Variants in MOB3B observed in about 807,000 individuals in gnomAD.
The protein encoded by MOB3B is MOB kinase activator-like 2B.
A neutral mutation model predicts 18.7 loss-of-function variants in MOB3B; 7 were observed. The ratio of observed to expected loss-of-function variants is 0.37; its 90% CI spans 0.21 to 0.70. The LOEUF (loss-of-function observed/expected upper bound fraction) is 0.70. Ranked by LOEUF, MOB3B falls within the 30% of genes least tolerant of loss-of-function variation. The pLI, the probability that MOB3B is intolerant of heterozygous loss-of-function variation, is 0.52. For synonymous variants in MOB3B, 111 were observed against 99.9 expected (o/e 1.11, Z -0.66); for missense variants, 253 against 281.3 (o/e 0.90, Z 0.72).
chr9:27,471,642 C>T lies in MOB3B; in HGVS notation c.-198-15894G>A, dbSNP rs956628165. 3.9e-5 allele frequency among the ~76,000 whole-genome samples: 6 copies of T among 152,200 alleles called. 1 individual carries two copies. The highest frequency in any genetic ancestry group is 1.4e-4 in the African/African-American group (6 of 41,432). On this transcript the variant is annotated intron_variant, in intron 1 of 3. Transcript: ENST00000262244. ...GAGATAAAATATCCATCTCAAAGGG[C>T]TGCCATGAGAGTTAAATTACATTAT...
intron 3 of MOB3B, among the ~76,000 whole-genome samples, chr9:27,350,729 C>T (rs1015291185): frequency 1.3e-5 from 2 of 152,096 alleles, no homozygotes; most frequent in African/African-American, 4.8e-5. Flanking sequence ...ATCTGGCAGG[C>T]CCTCCCACTA....
At chr9:27,401,161 C>T (rs1038046702) in intron 2 of MOB3B, among the ~76,000 whole-genome samples, 2 of 152,164 alleles carry the variant, frequency 1.3e-5, no homozygotes, top group Non-Finnish European at 1.5e-5. Context: ...ATGGGCCACG[C>T]GGTCTGCCTT....
rs188212111 is a variant in MOB3B, at chr9:27,384,460, T to C, written c.419-25224A>G. On this transcript the variant is annotated intron_variant, in intron 2 of 3. Coordinates refer to ENST00000262244, the MANE Select transcript of MOB3B (RefSeq NM_024761.5). The stretch of plus-strand genomic sequence containing the variant: ...TTCAAACAATCTCAATCCATTCATC[T>C]TGGCAACTAGCTGGCACACCCCTCA... Among the ~76,000 whole-genome samples, 505 of 152,288 alleles carry C rather than the reference T, an allele frequency of 3.3e-3. 1 individual carries two copies. Among genetic ancestry groups the C allele is most frequent in the Middle Eastern group, 6.8e-3 (2 of 294 alleles).
At chr9:27,334,768 A>G (rs937092859) in intron 3 of MOB3B, among the ~76,000 whole-genome samples, 17 of 152,366 alleles carry the variant, frequency 1.1e-4, no homozygotes, top group African/African-American at 3.6e-4. Flanking sequence ...AAAGAAATCA[A>G]CGCTCTCAGT....
chr9:27,446,628 CTATTGTA>C (rs1181758499), intron 2 of MOB3B, among the ~76,000 whole-genome samples: 1 of 152,126 alleles, frequency 6.6e-6, no homozygotes, highest in African/African-American at 2.4e-5. Flanking sequence ...CCTGATGAGT[CTATTGTA>C]TCACACTGAG....
chr9:27,371,459 G>A (rs1821413510), intron 2 of MOB3B, among the ~76,000 whole-genome samples: 1 of 152,234 alleles, frequency 6.6e-6, no homozygotes, highest in Non-Finnish European at 1.5e-5. Context: ...GCAAGAAATG[G>A]TGAGTCATTG....
chr9:27,343,956 C>A (rs1331966772), intron 3 of MOB3B, among the ~76,000 whole-genome samples: 1 of 148,820 alleles, frequency 6.7e-6, no homozygotes, highest in Non-Finnish European at 1.5e-5. Context: ...CCATAGGTAC[C>A]AAGATACAGA....
chr9:27,350,678 T>A (rs4354403), intron 3 of MOB3B, among the ~76,000 whole-genome samples: 66,546 of 152,058 alleles, frequency 0.44, 14,883 homozygotes, highest in Middle Eastern at 0.53. Context: ...ATTTTTCCAA[T>A]TGACACTTTA....
intron 1 of MOB3B, among the ~76,000 whole-genome samples, chr9:27,522,424 T>C (rs113625409): frequency 8.6e-5 from 4 of 46,768 alleles, no homozygotes; most frequent in Admixed American, 2.0e-4. Flanking sequence ...TTTTTTCATA[T>C]ATATATATAT....
chr9:27,396,700 T>C (rs1362633843), intron 2 of MOB3B, among the ~76,000 whole-genome samples: 2 of 152,210 alleles, frequency 1.3e-5, no homozygotes, highest in East Asian at 3.8e-4. Flanking sequence ...GATGACATCA[T>C]GTCTCTTCTA....
At chr9:27,356,090 C>T (rs1264200781) in intron 3 of MOB3B, among the ~76,000 whole-genome samples, 4 of 152,136 alleles carry the variant, frequency 2.6e-5, no homozygotes, top group Non-Finnish European at 4.4e-5. Flanking sequence ...TATGATTCGC[C>T]TCAGAAACAT....
chr9:27,326,332 C>T lies in MOB3B; in HGVS notation c.*4255G>A. 2.5e-6 allele frequency: 1 copy of T among 396,308 alleles called. No homozygotes were observed. Among genetic ancestry groups the T allele is most frequent in the East Asian group, 3.6e-5 (1 of 27,970 alleles). 24.5% of individuals were successfully genotyped at this position (396,308 alleles called of 1,614,324 possible). ...AATTGCAAGGGAAAGGAGGCTGAAG[C>T]ACAACTGGTAATAGCCTTCAGATAT... On this transcript the variant is annotated 3_prime_UTR_variant, in exon 4 of 4. Coordinates refer to ENST00000262244, the MANE Select transcript of MOB3B (RefSeq NM_024761.5).
At chr9:27,357,936 T>C (rs1821218271) in intron 3 of MOB3B, among the ~76,000 whole-genome samples, 2 of 119,140 alleles carry the variant, frequency 1.7e-5, no homozygotes, top group South Asian at 6.5e-4. Flanking sequence ...CATGCCAGGC[T>C]ATAGTCCCAG....
chr9:27,470,160 T>C (rs1462025925), intron 1 of MOB3B, among the ~76,000 whole-genome samples: 1 of 151,580 alleles, frequency 6.6e-6, no homozygotes, highest in Non-Finnish European at 1.5e-5. Flanking sequence ...TAACTGTCTT[T>C]TTAGATCTAT....
intron 1 of MOB3B, among the ~76,000 whole-genome samples, chr9:27,460,267 A>G (rs1170725623): frequency 6.6e-6 from 1 of 152,210 alleles, no homozygotes; most frequent in Non-Finnish European, 1.5e-5. Context: ...GAAAGAGAAA[A>G]ACAGAAATCT....
chr9:27,481,523 T>G (rs1441833928), intron 1 of MOB3B, among the ~76,000 whole-genome samples: 10 of 143,964 alleles, frequency 6.9e-5, no homozygotes, highest in South Asian at 6.8e-4. Context: ...TTTTTTTGTT[T>G]TTTTTTTTTT....
chr9:27,423,470 T>C (rs1376693470), intron 2 of MOB3B, among the ~76,000 whole-genome samples: 2 of 151,746 alleles, frequency 1.3e-5, no homozygotes, highest in African/African-American at 4.8e-5. Context: ...GTTGGTATGA[T>C]GGCTAAACTA....
intron 1 of MOB3B, among the ~76,000 whole-genome samples, chr9:27,503,486 C>A (rs1820017820): frequency 6.6e-6 from 1 of 152,204 alleles, no homozygotes; most frequent in African/African-American, 2.4e-5. Flanking sequence ...GGAGAGGTGG[C>A]CACTGTCCTA....
chr9:27,401,209 G>C (rs1208793091), intron 2 of MOB3B, among the ~76,000 whole-genome samples: 1 of 152,148 alleles, frequency 6.6e-6, no homozygotes, highest in African/African-American at 2.4e-5. Context: ...ATTCCCTTCT[G>C]TTTCACATTC....
Sources: gnomAD v4.1 joint callset for allele counts (sites outside exome capture counted in the v4.1 genomes callset) on GRCh38, gnomAD v4.1.1 for gene constraint, MANE v1.5 for transcripts, NCBI Gene and HGNC (gene_info 2026-07-23, HGNC 2026-07-21) for gene names.